LSAMP: variants seen among roughly 807,000 people sequenced by gnomAD.
LSAMP encodes the protein limbic system associated membrane protein, also known as limbic system-associated membrane protein.
A neutral mutation model predicts 38.6 loss-of-function variants in LSAMP; 7 were observed. The observed-to-expected ratio is 0.18, with a 90% CI of 0.10 to 0.34. The LOEUF is 0.34. Among genes scored for constraint, LSAMP ranks in the 10% least tolerant of loss-of-function variants. The pLI is 1.00. For synonymous variants in LSAMP, 154 were observed against 166.8 expected, an observed-to-expected ratio of 0.92 and a Z score of 0.59; for missense variants, 313 against 420.0, an observed-to-expected ratio of 0.75 and a Z score of 2.23.
chr3:116,334,478 T>G (rs2047893573), intron 1 of LSAMP, among the ~76,000 whole-genome samples: 1 of 152,076 alleles, frequency 6.6e-6, no homozygotes, highest in South Asian at 2.1e-4. Flanking sequence ...TGAACATTGA[T>G]GCAAATATCC....
chr3:116,349,954 T>C (rs2048114941), intron 1 of LSAMP, among the ~76,000 whole-genome samples: 1 of 152,084 alleles, frequency 6.6e-6, no homozygotes, highest in Admixed American at 6.6e-5. Context: ...GGAAAATATA[T>C]GCGAATATAC....
At chr3:115,899,571 A>G (rs1379590285) in intron 3 of LSAMP, among the ~76,000 whole-genome samples, 2 of 152,158 alleles carry the variant, frequency 1.3e-5, no homozygotes, top group African/African-American at 4.8e-5. Flanking sequence ...ATGAGTATTC[A>G]ATAAGGGATG....
chr3:115,832,307 T>A (rs975163382), intron 6 of LSAMP, among the ~76,000 whole-genome samples: 1 of 152,218 alleles, frequency 6.6e-6, no homozygotes, highest in African/African-American at 2.4e-5. Context: ...TTAACAAAAT[T>A]AATTGCCTTA....
At chr3:116,129,190 TA>T (rs1709072015) in intron 1 of LSAMP, among the ~76,000 whole-genome samples, 1 of 152,164 alleles carries the variant, frequency 6.6e-6, no homozygotes, top group Admixed American at 6.6e-5. Context: ...TTTGGTAATA[TA>T]GAGGAGTGTC....
chr3:116,391,492 T>C (rs935054490), intron 1 of LSAMP, among the ~76,000 whole-genome samples: 17 of 152,084 alleles, frequency 1.1e-4, no homozygotes, highest in Admixed American at 9.8e-4. Context: ...CTGGGAGACT[T>C]CTGGAGCCCA....
At chr3:116,140,718 C>T (rs1038855255) in intron 1 of LSAMP, among the ~76,000 whole-genome samples, 1 of 151,858 alleles carries the variant, frequency 6.6e-6, no homozygotes, top group Non-Finnish European at 1.5e-5. Flanking sequence ...CTAACATTCA[C>T]GAAGCTTTAT....
chr3:116,099,145 A>G (rs1051039925), intron 1 of LSAMP, among the ~76,000 whole-genome samples: 2 of 152,226 alleles, frequency 1.3e-5, no homozygotes, highest in Admixed American at 1.3e-4. Context: ...TCTGAATTAA[A>G]GAGACAGCTG....
intron 2 of LSAMP, chr3:116,051,358 G>T (rs1029871501): frequency 1.3e-5 from 2 of 152,178 alleles, no homozygotes; most frequent in African/African-American, 4.8e-5. Flanking sequence ...GAAAAAAAGA[G>T]AATCTTCTCC....
At chr3:116,098,465 G>A (rs1338394700) in intron 1 of LSAMP, among the ~76,000 whole-genome samples, 2 of 152,136 alleles carry the variant, frequency 1.3e-5, no homozygotes, top group Non-Finnish European at 2.9e-5. Context: ...CGCCATTGCA[G>A]CCTTGGCAAC....
intron 1 of LSAMP, among the ~76,000 whole-genome samples, chr3:116,348,617 T>G (rs1411906275): frequency 6.6e-6 from 1 of 152,146 alleles, no homozygotes; most frequent in Non-Finnish European, 1.5e-5. Context: ...CGAAAGCATT[T>G]GTGACAGACA....
chr3:116,306,391 T>C (rs548320776), intron 1 of LSAMP, among the ~76,000 whole-genome samples: 1 of 152,178 alleles, frequency 6.6e-6, no homozygotes, highest in South Asian at 2.1e-4. Context: ...AATATTTTAT[T>C]CATGTCTGTA....
At chr3:116,273,683 C>CAGATTATATATATATATAT (rs150705226) in intron 1 of LSAMP, among the ~76,000 whole-genome samples, 2 of 50,526 alleles carry the variant, frequency 4.0e-5, no homozygotes, top group African/African-American at 2.5e-4. Flanking sequence ...GAGAAAGAGG[C>CAGATTATATATATATATAT]ATATATATAT....
chr3:116,395,721 G>A (rs1044530845), intron 1 of LSAMP, among the ~76,000 whole-genome samples: 1 of 152,156 alleles, frequency 6.6e-6, no homozygotes, highest in Non-Finnish European at 1.5e-5. Context: ...TTCATGGAAG[G>A]GGAATATGTT....
At position 115,841,292 on chromosome 3, in the gene LSAMP, G is replaced by C. The variant is rs145201451; in HGVS notation, c.919+553C>G. On this transcript the variant is annotated intron_variant, in intron 6 of 6. Transcript: ENST00000490035. ...AATGTCTCTTACTGTCATACAGAAA[G>C]CTTTCTGCAACCATTTTTCCTCCTT... Among the ~76,000 whole-genome samples, 847 of 152,222 alleles carry C rather than the reference G, an allele frequency of 5.6e-3. 4 individuals are homozygous for C. Among genetic ancestry groups the C allele is most frequent in the Non-Finnish European group, 7.7e-3 (524 of 68,024 alleles).
chr3:116,356,942 C>T (rs1006300741), intron 1 of LSAMP, among the ~76,000 whole-genome samples: 15 of 152,204 alleles, frequency 9.9e-5, no homozygotes, highest in African/African-American at 3.6e-4. Context: ...TACAGGCGCC[C>T]GCCACCACGC....
intron 1 of LSAMP, among the ~76,000 whole-genome samples, chr3:116,336,775 C>T (rs552596431): frequency 6.6e-6 from 1 of 151,782 alleles, no homozygotes; most frequent in Admixed American, 6.6e-5. Context: ...TATGAAAATG[C>T]AATTCCACTT....
chr3:116,173,275 CA>C (rs1291170477), intron 1 of LSAMP, among the ~76,000 whole-genome samples: 1 of 152,024 alleles, frequency 6.6e-6, no homozygotes, highest in East Asian at 1.9e-4. Flanking sequence ...TGTAACAAAG[CA>C]GACCTCTATT....
At position 116,209,270 on chromosome 3, in the gene LSAMP, C is replaced by T. The variant is rs186983243; in HGVS notation, c.156-122714G>A. Among the ~76,000 whole-genome samples the T allele has an allele frequency of 5.6e-3, 852 of 152,220 alleles. 8 individuals carry two copies. The highest frequency in any genetic ancestry group is 0.018 in the African/African-American group (757 of 41,538). The stretch of plus-strand genomic sequence containing the variant: ...GCCCTGCTTTGGCTCGCGCACGGTG[C>T]GCGCACCCACTGACCTGCGCCCACT... On this transcript the variant is annotated intron_variant, in intron 1 of 6. Coordinates refer to ENST00000490035, the MANE Select transcript of LSAMP (RefSeq NM_002338.5).
chr3:116,105,257 T>G (rs543193735), intron 1 of LSAMP, among the ~76,000 whole-genome samples: 1 of 151,838 alleles, frequency 6.6e-6, no homozygotes, highest in Non-Finnish European at 1.5e-5. Context: ...TCTTTGAGAC[T>G]CTGTTCTAGC....
Sources: gnomAD v4.1 joint callset for allele counts (sites outside exome capture counted in the v4.1 genomes callset) on GRCh38, gnomAD v4.1.1 for gene constraint, MANE v1.5 for transcripts, NCBI Gene and HGNC (gene_info 2026-07-23, HGNC 2026-07-21) for gene names.